SEM1: variants seen among roughly 807,000 people sequenced by gnomAD.
SEM1 encodes the protein SEM1 26S proteasome subunit.
A neutral mutation model predicts 12.7 loss-of-function variants in SEM1; 3 were observed. The observed-to-expected ratio is 0.24, with a 90% CI of 0.11 to 0.61. The LOEUF is 0.61. Among genes scored for constraint, SEM1 ranks in the 20% least tolerant of loss-of-function variants. The probability of loss-of-function intolerance (pLI) is 0.88; values close to 1 mark genes in which losing one functional copy is unlikely to be tolerated. For synonymous variants in SEM1, 30 were observed against 27.8 expected (o/e 1.08, Z -0.25); for missense variants, 59 against 81.3 (o/e 0.73, Z 1.06).
intron 2 of SEM1, among the ~76,000 whole-genome samples, chr7:96,537,543 T>C (rs1465653144): frequency 6.6e-6 from 1 of 151,764 alleles, no homozygotes; most frequent in Non-Finnish European, 1.5e-5. Context: ...GATTTTTTTT[T>C]CTTTCAGTAC....
intron 2 of SEM1, among the ~76,000 whole-genome samples, chr7:96,515,020 C>T (rs1249703560): frequency 6.6e-6 from 1 of 152,024 alleles, no homozygotes; most frequent in East Asian, 1.9e-4. Flanking sequence ...AATCAAGACA[C>T]TATGGTATTG....
At chr7:96,487,525 C>T (rs1802823876) in intron 1 of SEM1, among the ~76,000 whole-genome samples, 1 of 149,950 alleles carries the variant, frequency 6.7e-6, no homozygotes, top group Non-Finnish European at 1.5e-5. Flanking sequence ...CTAGTGCCAA[C>T]CCTGTAATAC....
chr7:96,564,281 G>C (rs909388959), intron 2 of SEM1, among the ~76,000 whole-genome samples: 1 of 151,486 alleles, frequency 6.6e-6, no homozygotes, highest in South Asian at 2.1e-4. Flanking sequence ...TATAAATCAG[G>C]GTAGAACAAA....
At chr7:96,512,128 C>T (rs1343218429) in intron 2 of SEM1, among the ~76,000 whole-genome samples, 4 of 152,110 alleles carry the variant, frequency 2.6e-5, no homozygotes, top group Admixed American at 6.6e-5. Flanking sequence ...ACCATTTCTA[C>T]TGTACCCACG....
At chr7:96,683,401 T>G (rs1388756909) in intron 2 of SEM1, among the ~76,000 whole-genome samples, 1 of 151,374 alleles carries the variant, frequency 6.6e-6, no homozygotes, top group African/African-American at 2.4e-5. Flanking sequence ...CCAGAGAGGA[T>G]GTGGAGAAAT....
intron 2 of SEM1, among the ~76,000 whole-genome samples, chr7:96,679,210 G>A (rs73708380): frequency 0.026 from 3,902 of 152,054 alleles, 190 homozygotes; most frequent in African/African-American, 0.089. Flanking sequence ...CATCTCTGTG[G>A]CTCATTGTAG....
intron 3 of SEM1, among the ~76,000 whole-genome samples, chr7:96,504,532 G>T (rs1310731945): frequency 6.6e-6 from 1 of 152,010 alleles, no homozygotes; most frequent in Non-Finnish European, 1.5e-5. Flanking sequence ...TATTTCATCA[G>T]TTAGTTACTG....
chr7:96,656,852 AATATAT>A (rs57916069), intron 2 of SEM1, among the ~76,000 whole-genome samples: 24,055 of 144,568 alleles, frequency 0.17, 1,976 homozygotes, highest in South Asian at 0.21. Context: ...TATAATGTTA[AATATAT>A]ATATATATAT....
downstream of SEM1, among the ~76,000 whole-genome samples, chr7:96,670,661 G>A (rs982877145): frequency 2.8e-4 from 42 of 152,102 alleles, no homozygotes; most frequent in African/African-American, 8.5e-4. Flanking sequence ...GCATTCTTTT[G>A]GCAAACACAG....
chr7:96,628,674 C>T (rs1808151440), intron 2 of SEM1, among the ~76,000 whole-genome samples: 1 of 152,084 alleles, frequency 6.6e-6, no homozygotes, highest in Non-Finnish European at 1.5e-5. Flanking sequence ...GAGTAGTTTA[C>T]ACACCATAAT....
At chr7:96,553,808 T>G (rs1430825982) in intron 2 of SEM1, among the ~76,000 whole-genome samples, 1 of 152,220 alleles carries the variant, frequency 6.6e-6, no homozygotes, top group Non-Finnish European at 1.5e-5. Flanking sequence ...TTCACGATAT[T>G]GATTCTTCCT....
chr7:96,566,274 G>C (rs1476226785), intron 2 of SEM1, among the ~76,000 whole-genome samples: 2 of 151,596 alleles, frequency 1.3e-5, no homozygotes, highest in Non-Finnish European at 3.0e-5. Flanking sequence ...ACCCTGGAGA[G>C]ATAATGTGCA....
At chr7:96,630,727 TG>T (rs1808227460) in intron 2 of SEM1, among the ~76,000 whole-genome samples, 1 of 152,196 alleles carries the variant, frequency 6.6e-6, no homozygotes, top group African/African-American at 2.4e-5. Context: ...CCACCAGATT[TG>T]GGAATAGGCT....
At chr7:96,600,932 A>G (rs138629785) in intron 2 of SEM1, among the ~76,000 whole-genome samples, 4 of 152,298 alleles carry the variant, frequency 2.6e-5, no homozygotes, top group African/African-American at 9.6e-5. Context: ...CACTCCACAC[A>G]CACTAATTTG....
chr7:96,544,418 A>G (rs1805044603), intron 2 of SEM1, among the ~76,000 whole-genome samples: 1 of 152,066 alleles, frequency 6.6e-6, no homozygotes, highest in South Asian at 2.1e-4. Context: ...ATATAATTAT[A>G]AAGCGCTATA....
At chr7:96,658,578 A>AGAC (rs1584841558) in intron 2 of SEM1, among the ~76,000 whole-genome samples, 2 of 152,322 alleles carry the variant, frequency 1.3e-5, no homozygotes, top group East Asian at 3.9e-4. Flanking sequence ...AATTCCTAGG[A>AGAC]GACAGTATCC....
chr7:96,537,830 T>C (rs1369934114), intron 2 of SEM1, among the ~76,000 whole-genome samples: 1 of 151,796 alleles, frequency 6.6e-6, no homozygotes, highest in African/African-American at 2.4e-5. Flanking sequence ...GTCTCATTAA[T>C]TTTGGAAAAT....
At chr7:96,656,876 T>TATATACACACAC (rs891240099) in intron 2 of SEM1, among the ~76,000 whole-genome samples, 109 of 139,840 alleles carry the variant, frequency 7.8e-4, no homozygotes, top group African/African-American at 3.0e-3. Context: ...TATATATATA[T>TATATACACACAC]ACACACACAC....
At chr7:96,695,515 T>C (rs548289156) in intron 1 of SEM1, 4 of 152,024 alleles carry the variant, frequency 2.6e-5, no homozygotes, top group African/African-American at 9.6e-5. Flanking sequence ...AGAAAGTACG[T>C]ACGTATTACC....
Sources: allele counts gnomAD v4.1 joint callset (sites outside exome capture counted in the v4.1 genomes callset), GRCh38; gene constraint gnomAD v4.1.1; transcripts MANE v1.5; gene names NCBI Gene and HGNC (gene_info 2026-07-23, HGNC 2026-07-21).